Variants in KHDRBS3 observed in about 807,000 individuals in gnomAD.
The protein encoded by KHDRBS3 is KH domain-containing, RNA-binding, signal transduction-associated protein 3.
A neutral mutation model predicts 45.6 loss-of-function variants in KHDRBS3; 23 were observed. The observed-to-expected ratio is 0.50, with a 90% CI of 0.36 to 0.72. The LOEUF (loss-of-function observed/expected upper bound fraction) is 0.72, where lower values mean the gene tolerates loss of function less well. Among genes scored for constraint, KHDRBS3 ranks in the 30% least tolerant of loss-of-function variants. The pLI is 0.00. For missense variants in KHDRBS3, 352 were observed against 424.8 expected, an observed-to-expected ratio of 0.83 and a Z score of 1.51; for synonymous variants, 162 against 156.5, an observed-to-expected ratio of 1.04 and a Z score of -0.26.
chr8:135,645,230 C>G (rs907253667), intron 8 of KHDRBS3, 113 bp downstream of exon 8: 1 of 992,146 alleles, frequency 1.0e-6, no homozygotes, highest in Admixed American at 1.9e-5. Flanking sequence ...ACAGCAGCTT[C>G]CTGTCAATTC....
At chr8:135,618,646 T>C (rs1830014610) in intron 7 of KHDRBS3, among the ~76,000 whole-genome samples, 1 of 152,164 alleles carries the variant, frequency 6.6e-6, no homozygotes. Context: ...ACCCAGTGTT[T>C]TGACATGGTT....
intron 4 of KHDRBS3, among the ~76,000 whole-genome samples, chr8:135,555,888 C>G (rs1449113986): frequency 6.6e-6 from 1 of 152,132 alleles, no homozygotes; most frequent in African/African-American, 2.4e-5. Flanking sequence ...CTCCCCTAGC[C>G]CCCCATCCCT....
intron 6 of KHDRBS3, among the ~76,000 whole-genome samples, chr8:135,601,341 A>G (rs137926410): frequency 6.6e-6 from 1 of 152,336 alleles, no homozygotes; most frequent in Non-Finnish European, 1.5e-5. Flanking sequence ...CAGCCCAGTA[A>G]TGGAAGTACA....
Position 135,521,227 on chromosome 8 carries a change from G to A in KHDRBS3, c.89-10G>A. 1 of 1,527,684 alleles carries A rather than the reference G, an allele frequency of 6.5e-7. No homozygotes were observed. The highest frequency in any genetic ancestry group is 9.1e-7 in the Non-Finnish European group (1 of 1,102,104). The allele number at this position is 1,527,684 out of a possible 1,614,324, so 94.6% of individuals were successfully genotyped here. ...TCATACACTTCATGGTTATCTTTTT[G>A]CCTCCACAGAAATAGAAAAGTTTCA... is the stretch of plus-strand genomic sequence containing the variant. On this transcript the variant is annotated splice_polypyrimidine_tract_variant and intron_variant, in intron 1 of 8. Transcript: ENST00000355849.
rs1375807666 is a variant in KHDRBS3, at chr8:135,536,999, G to GAAAAAAAAAAA, written c.208-5654_208-5653insAAAAAAAAAAA. Among the ~76,000 whole-genome samples the GAAAAAAAAAAA allele has an allele frequency of 3.1e-4, 9 of 29,416 alleles. 1 individual carries two copies. The highest frequency in any genetic ancestry group is 9.4e-4 in the African/African-American group (9 of 9,560). 19.3% of individuals were successfully genotyped at this position (29,416 alleles called of 152,430 possible). A position where few individuals can be genotyped will look rare whatever the true frequency, so the allele number is the denominator to read the frequency against. ...AAAAAAAAAAAAAAAAAAAAAAAAG[G>GAAAAAAAAAAA]AGATGTTTAGGAGGTAAAATCATTA... On this transcript the variant is annotated intron_variant, in intron 2 of 8. Coordinates refer to ENST00000355849, the MANE Select transcript of KHDRBS3 (RefSeq NM_006558.3).
intron 2 of KHDRBS3, chr8:135,542,308 A>G (rs1283869742): frequency 5.4e-6 from 1 of 186,770 alleles, no homozygotes; most frequent in African/African-American, 2.4e-5. Context: ...ATTTTTTCTC[A>G]CCTACATTCT....
chr8:135,572,648 T>C (rs1421646204), intron 5 of KHDRBS3, among the ~76,000 whole-genome samples: 2 of 152,228 alleles, frequency 1.3e-5, no homozygotes, highest in Non-Finnish European at 2.9e-5. Context: ...TAAACCCCAC[T>C]CTGGCCTAAA....
chr8:135,580,854 C>T (rs1253243355), intron 5 of KHDRBS3, among the ~76,000 whole-genome samples: 2 of 152,162 alleles, frequency 1.3e-5, no homozygotes, highest in African/African-American at 2.4e-5. Flanking sequence ...CTCAGGTGAT[C>T]CACCTGCCTT....
At chr8:135,586,033 A>C (rs1828455019) in intron 6 of KHDRBS3, among the ~76,000 whole-genome samples, 1 of 152,220 alleles carries the variant, frequency 6.6e-6, no homozygotes, top group South Asian at 2.1e-4. Flanking sequence ...TAATTTTGTT[A>C]GCTCCTGAAG....
intron 1 of KHDRBS3, among the ~76,000 whole-genome samples, chr8:135,487,058 A>C (rs1412125435): frequency 6.6e-6 from 1 of 152,154 alleles, no homozygotes; most frequent in African/African-American, 2.4e-5. Flanking sequence ...ATATTTCTTT[A>C]ATTTTTCTCA....
At chr8:135,459,504 C>G (rs1177586222) in intron 1 of KHDRBS3, among the ~76,000 whole-genome samples, 5 of 152,148 alleles carry the variant, frequency 3.3e-5, no homozygotes, top group Non-Finnish European at 5.9e-5. Flanking sequence ...ACTCCTGTGC[C>G]TGATGATTTA....
At chr8:135,526,705 AT>A (rs1825207629) in intron 2 of KHDRBS3, among the ~76,000 whole-genome samples, 1 of 152,198 alleles carries the variant, frequency 6.6e-6, no homozygotes, top group Non-Finnish European at 1.5e-5. Context: ...ACTCCATCTG[AT>A]AAAGTGATTT....
intron 7 of KHDRBS3, among the ~76,000 whole-genome samples, chr8:135,640,591 A>T (rs1456363696): frequency 1.3e-5 from 2 of 152,256 alleles, no homozygotes; most frequent in East Asian, 3.9e-4. Context: ...GATGGAATTG[A>T]TGTAAACCTC....
At chr8:135,607,454 C>T (rs1829516278) in intron 7 of KHDRBS3, among the ~76,000 whole-genome samples, 2 of 152,142 alleles carry the variant, frequency 1.3e-5, no homozygotes, top group South Asian at 4.1e-4. Context: ...TTCTAAGTAG[C>T]AGCCTCTCCT....
rs151118301 is a variant in KHDRBS3 at position 135,533,621 on chromosome 8, G to A, written c.208-9033G>A. Among the ~76,000 whole-genome samples the A allele has an allele frequency of 1.7e-4, 26 of 152,254 alleles. No homozygotes were observed. In the East Asian group the frequency reaches 4.8e-3, roughly 28 times the overall value. ...CCTATAGGTAGTATTTACATTTGCT[G>A]TCACCATGGAATGTACTGATGGACC... is the stretch of plus-strand genomic sequence containing the variant. On this transcript the variant is annotated intron_variant, in intron 2 of 8. Coordinates refer to ENST00000355849, the MANE Select transcript of KHDRBS3 (RefSeq NM_006558.3).
intron 1 of KHDRBS3, among the ~76,000 whole-genome samples, chr8:135,465,692 C>A (rs113910415): frequency 2.0e-5 from 3 of 152,170 alleles, no homozygotes; most frequent in Non-Finnish European, 4.4e-5. Flanking sequence ...TTTCCACAAG[C>A]ACAAGATACC....
intron 6 of KHDRBS3, among the ~76,000 whole-genome samples, chr8:135,582,878 G>A (rs978222383): frequency 6.6e-6 from 1 of 152,192 alleles, no homozygotes; most frequent in Non-Finnish European, 1.5e-5. Flanking sequence ...CTAGAAGGTT[G>A]CAATAATCCC....
chr8:135,618,498 G>A (rs1830008501), intron 7 of KHDRBS3, among the ~76,000 whole-genome samples: 1 of 152,132 alleles, frequency 6.6e-6, no homozygotes, highest in South Asian at 2.1e-4. Context: ...TATATCAATG[G>A]TAACTATATT....
At chr8:135,529,831 C>T (rs538739103) in intron 2 of KHDRBS3, among the ~76,000 whole-genome samples, 29 of 151,970 alleles carry the variant, frequency 1.9e-4, no homozygotes, top group East Asian at 1.4e-3. Context: ...GAGGCTGAGG[C>T]GGGCAGATCA....
Sources: allele counts gnomAD v4.1 joint callset (sites outside exome capture counted in the v4.1 genomes callset), GRCh38; gene constraint gnomAD v4.1.1; transcripts MANE v1.5; gene names NCBI Gene and HGNC (gene_info 2026-07-23, HGNC 2026-07-21).